The following TBC1D16 variants were observed in gnomAD, a reference collection of about 807,000 sequenced individuals.
TBC1D16 encodes TBC1 domain family member 16, also known as CTD-2529O21.1.
In TBC1D16, 58 loss-of-function variants were observed where a neutral mutation model predicts 74.7. The ratio of observed to expected loss-of-function variants is 0.78; its 90% confidence interval spans 0.63 to 0.97. The LOEUF (loss-of-function observed/expected upper bound fraction) is 0.97, where lower values mean the gene tolerates loss of function less well. TBC1D16 is among the 50% of genes least tolerant of loss of function. The pLI is 0.00. For missense variants in TBC1D16, 1,014 were observed against 1,079.5 expected (o/e 0.94, Z 0.85); for synonymous variants, 493 against 474.7 (o/e 1.04, Z -0.50).
At chr17:80,005,375 G>A (rs951347737) in intron 3 of TBC1D16, among the ~76,000 whole-genome samples, 3 of 152,190 alleles carry the variant, frequency 2.0e-5, no homozygotes, top group Admixed American at 6.5e-5. Flanking sequence ...GCCCCATGGC[G>A]CCCCGTTATT....
intron 1 of TBC1D16, among the ~76,000 whole-genome samples, chr17:80,032,744 T>C (rs2143466990): frequency 6.6e-6 from 1 of 152,308 alleles, no homozygotes; most frequent in Admixed American, 6.5e-5. Context: ...GCAATACAAA[T>C]GGTGTACAAT....
rs2143388391 is a variant in TBC1D16 at position 79,941,539 on chromosome 17, C to T, written c.2056-432G>A. Among the ~76,000 whole-genome samples the T allele has an allele frequency of 6.6e-6, 1 of 152,188 alleles. No homozygotes were observed. The highest frequency in any genetic ancestry group is 1.9e-4 in the East Asian group (1 of 5,160). The stretch of plus-strand genomic sequence containing the variant: ...GCTCCTGCAGGATCTGTGTCCTGTG[C>T]CAGAGGACACCACCGACCTCGGGAC... On this transcript the variant is annotated intron_variant, in intron 11 of 11. Coordinates refer to ENST00000310924, the MANE Select transcript of TBC1D16 (RefSeq NM_019020.4). This position sits in a 1 kb window ranked among gnomAD's most constrained non-coding sequence, Gnocchi z 4.3.
intron 3 of TBC1D16, among the ~76,000 whole-genome samples, chr17:79,963,906 G>A (rs576214320): frequency 1.3e-5 from 2 of 152,198 alleles, no homozygotes; most frequent in African/African-American, 4.8e-5. Context: ...CAAATCCTTT[G>A]ACCATTTTTG....
At position 80,035,675 on chromosome 17, in the gene TBC1D16, C is replaced by T. The variant is rs2036971400; in HGVS notation, c.-63+120G>A. Reference sequence around the variant, plus strand: ...CCCTCCCCGGTCCCGCGGCTGCAGGCCCACGCGCCCCACGCGCCCCGCGCG... The same window carrying T: ...CCCTCCCCGGTCCCGCGGCTGCAGGTCCACGCGCCCCACGCGCCCCGCGCG... On this transcript the variant is annotated intron_variant, in intron 1 of 11. Coordinates refer to ENST00000310924, the MANE Select transcript of TBC1D16 (RefSeq NM_019020.4). The surrounding 1 kb of genome is among the most constrained non-coding windows in gnomAD (Gnocchi z 5.3). The T allele has an allele frequency of 1.4e-5, 2 of 148,030 alleles. No individual in the cohort carries two copies. The highest frequency in any genetic ancestry group is 2.4e-5 in the African/African-American group (1 of 40,990). The allele number at this position is 148,030 out of a possible 1,614,324, so 9.2% of individuals were successfully genotyped here.
intron 1 of TBC1D16, among the ~76,000 whole-genome samples, chr17:80,030,129 C>T (rs143875780): frequency 1.1e-3 from 161 of 152,228 alleles, no homozygotes; most frequent in African/African-American, 3.6e-3. Flanking sequence ...AACTTGAATC[C>T]GTGGCCACGT....
chr17:79,942,502 T>A (rs992010600), intron 10 of TBC1D16, among the ~76,000 whole-genome samples: 4 of 112,682 alleles, frequency 3.5e-5, no homozygotes, highest in Non-Finnish European at 5.3e-5. Flanking sequence ...TGGGTGGTGA[T>A]GTGGGTGGTC....
chr17:79,985,103 G>T lies in TBC1D16; in HGVS notation c.779+25057C>A, dbSNP rs987741423. ...TAGTCGGGCCGCGCCCCCTCTGAAG[G>T]CTCCAGGCAAGAGTCTTTCCTGCCT... On this transcript the variant is annotated intron_variant, in intron 3 of 11. Transcript: ENST00000310924. The surrounding 1 kb of genome is among the most constrained non-coding windows in gnomAD (Gnocchi z 4.9). 2.6e-5 allele frequency among the ~76,000 whole-genome samples: 4 copies of T among 152,126 alleles called. No homozygotes were observed. Among genetic ancestry groups the T allele is most frequent in the African/African-American group, 9.7e-5 (4 of 41,410 alleles).
At position 79,949,722 on chromosome 17, in the gene TBC1D16, C is replaced by T. The variant is rs1213585193; in HGVS notation, c.1401G>A (p.Gln467=). The T allele has an allele frequency of 2.5e-6, 4 of 1,608,320 alleles. No homozygotes were observed. The highest frequency in any genetic ancestry group is 1.3e-5 in the African/African-American group (1 of 74,982). The part of the protein sequence containing the change: ...QKRKEYSEIQ[Q]KRLSMTPEEH... ...GGGCTGGCCCCGGCGGTTACCTTTT[C>T]TGCTGGATCTCAGAGTACTCCTTTC... is the stretch of plus-strand genomic sequence containing the variant. Residue 467 remains glutamine (Q), a synonymous_variant, in exon 7 of 12, where the codon CAG becomes CAA. Transcript: ENST00000310924.
At position 79,954,819 on chromosome 17, in the gene TBC1D16, C is replaced by G. The variant is rs2033259468; in HGVS notation, c.780-2001G>C. Among the ~76,000 whole-genome samples, 1 of 152,206 alleles carries G rather than the reference C, an allele frequency of 6.6e-6. No individual in the cohort carries two copies. The highest frequency in any genetic ancestry group is 2.1e-4 in the South Asian group (1 of 4,830). On this transcript the variant is annotated intron_variant, in intron 3 of 11. Coordinates refer to ENST00000310924, the MANE Select transcript of TBC1D16 (RefSeq NM_019020.4). This position sits in a 1 kb window ranked among gnomAD's most constrained non-coding sequence, Gnocchi z 5.5. ...TATCCTTTCCCGCCTCCTCCCCCAG[C>G]CTTCTTACCACACCCAACAGCAGAA...
At chr17:79,991,367 G>A (rs1048080651) in intron 3 of TBC1D16, among the ~76,000 whole-genome samples, 5 of 151,786 alleles carry the variant, frequency 3.3e-5, no homozygotes, top group African/African-American at 1.2e-4. Context: ...AGGCTGACGC[G>A]AGGTGGGGTG....
Position 79,975,199 on chromosome 17 carries a change from T to C in TBC1D16, c.780-22381A>G, listed in dbSNP as rs978072014. Among the ~76,000 whole-genome samples the C allele has an allele frequency of 2.6e-5, 4 of 152,210 alleles. No individual in the cohort carries two copies. Among genetic ancestry groups the C allele is most frequent in the Non-Finnish European group, 5.9e-5 (4 of 68,050 alleles). On this transcript the variant is annotated intron_variant, in intron 3 of 11. Coordinates refer to ENST00000310924, the MANE Select transcript of TBC1D16 (RefSeq NM_019020.4). The surrounding 1 kb of genome is among the most constrained non-coding windows in gnomAD (Gnocchi z 4.5). ...ACAGCGAGTTCTGTTTCATTTTGTT[T>C]TGTTTTTCCCTTTGCATTTGGTGAA...
intron 4 of TBC1D16, chr17:79,952,314 G>A (rs1048948806): frequency 4.4e-5 from 10 of 225,450 alleles, no homozygotes; most frequent in East Asian, 9.2e-5. Context: ...ACAGGTGGCC[G>A]AGCTCCAGAG....
At position 79,986,915 on chromosome 17, in the gene TBC1D16, CG is replaced by C. The variant is rs1226959574; in HGVS notation, c.779+23244del. On this transcript the variant is annotated intron_variant, in intron 3 of 11. Transcript: ENST00000310924. This position sits in a 1 kb window ranked among gnomAD's most constrained non-coding sequence, Gnocchi z 6.0. ...CGGTCAGCCGTCCCCTCGCGCCCTC[CG>C]GTCTCTGCTGCTGTGTTTACTTGGC... 1.3e-5 allele frequency among the ~76,000 whole-genome samples: 2 copies of C among 152,230 alleles called. No homozygotes were observed. Among genetic ancestry groups the C allele is most frequent in the Non-Finnish European group, 2.9e-5 (2 of 68,044 alleles).
chr17:79,970,781 A>G (rs989914861), intron 3 of TBC1D16, among the ~76,000 whole-genome samples: 11 of 152,154 alleles, frequency 7.2e-5, no homozygotes, highest in Admixed American at 1.3e-4. Context: ...GCCCAGGGGA[A>G]ATGCATGCCT....
At chr17:80,025,017 CACA>C (rs1253032009) in intron 1 of TBC1D16, among the ~76,000 whole-genome samples, 8 of 14,216 alleles carry the variant, frequency 5.6e-4, no homozygotes, top group Admixed American at 2.0e-3. Flanking sequence ...GACACACACA[CACA>C]CCACAGATGC....
intron 1 of TBC1D16, among the ~76,000 whole-genome samples, chr17:80,028,978 A>T (rs1003015824): frequency 1.3e-5 from 2 of 152,158 alleles, no homozygotes; most frequent in Admixed American, 6.6e-5. Flanking sequence ...TTTCTGCAAA[A>T]TAGGCCATTG....
At chr17:79,997,745 C>T (rs1201642765) in intron 3 of TBC1D16, among the ~76,000 whole-genome samples, 2 of 152,184 alleles carry the variant, frequency 1.3e-5, no homozygotes, top group Non-Finnish European at 2.9e-5. Context: ...TTCAGGGCTT[C>T]TACTAGGTTC....
rs1039005405 is a variant in TBC1D16 at position 79,975,023 on chromosome 17, G to T, written c.780-22205C>A. Among the ~76,000 whole-genome samples the T allele has an allele frequency of 6.6e-5, 10 of 152,136 alleles. No individual in the cohort carries two copies. The highest frequency in any genetic ancestry group is 8.8e-5 in the Non-Finnish European group (6 of 68,026). ...CACTGCGCCCTCTATAGGTAAGAAG[G>T]CCCAAGGAAGAAGCCCTCTGCTCCG... is the stretch of plus-strand genomic sequence containing the variant. On this transcript the variant is annotated intron_variant, in intron 3 of 11. Transcript: ENST00000310924. This position sits in a 1 kb window ranked among gnomAD's most constrained non-coding sequence, Gnocchi z 4.5.
intron 10 of TBC1D16, chr17:79,943,852 C>G: frequency 2.9e-6 from 4 of 1,384,426 alleles, no homozygotes; most frequent in Non-Finnish European, 3.8e-6. Context: ...GGCGGCAAAT[C>G]TGCCACTGGG....
Sources: allele counts gnomAD v4.1 joint callset (sites outside exome capture counted in the v4.1 genomes callset), GRCh38; gene constraint gnomAD v4.1.1; non-coding constraint Gnocchi (gnomAD v3.1); transcripts MANE v1.5; gene names NCBI Gene and HGNC (gene_info 2026-07-23, HGNC 2026-07-21).